The following ADAM12 variants were observed in gnomAD, a reference collection of about 807,000 sequenced individuals.
ADAM12 encodes ADAM metallopeptidase domain 12.
In ADAM12, 70 loss-of-function variants were observed where a neutral mutation model predicts 106.4. The observed-to-expected ratio is 0.66, with a 90% confidence interval of 0.54 to 0.80. The LOEUF is 0.80. ADAM12 is among the 30% of genes least tolerant of loss of function. The probability of loss-of-function intolerance (pLI) is 0.00; values close to 1 mark genes in which losing one functional copy is unlikely to be tolerated. For missense variants in ADAM12, 1,010 were observed against 1,171.9 expected, an observed-to-expected ratio of 0.86 and a Z score of 2.02; for synonymous variants, 420 against 433.5, an observed-to-expected ratio of 0.97 and a Z score of 0.39.
intron 3 of ADAM12, among the ~76,000 whole-genome samples, chr10:126,230,131 G>T (rs1958281203): frequency 6.6e-6 from 1 of 152,130 alleles, no homozygotes; most frequent in Non-Finnish European, 1.5e-5. Flanking sequence ...CCCAGGGAAG[G>T]TTCCTTTTCT....
intron 4 of ADAM12, among the ~76,000 whole-genome samples, chr10:126,137,547 C>T (rs1956428352): frequency 6.6e-6 from 1 of 152,194 alleles, no homozygotes; most frequent in African/African-American, 2.4e-5. Context: ...ACTTTCCATT[C>T]CCTGCTCCTC....
chr10:126,324,911 G>T (rs1358560487), intron 2 of ADAM12, among the ~76,000 whole-genome samples: 3 of 151,870 alleles, frequency 2.0e-5, no homozygotes, highest in African/African-American at 7.3e-5. Flanking sequence ...GTTATTGTTC[G>T]TAACACCTGA....
intron 3 of ADAM12, among the ~76,000 whole-genome samples, chr10:126,236,267 G>A (rs1426291343): frequency 1.3e-5 from 2 of 152,194 alleles, no homozygotes; most frequent in Non-Finnish European, 2.9e-5. Flanking sequence ...CTGGTGCCCT[G>A]GGGGAAGGCT....
At chr10:126,026,533 C>G (rs1427046302) in intron 21 of ADAM12, among the ~76,000 whole-genome samples, 1 of 152,154 alleles carries the variant, frequency 6.6e-6, no homozygotes, top group African/African-American at 2.4e-5. Context: ...AAGTAAAACA[C>G]TCCTCAGCTA....
chr10:126,143,574 TA>T (rs1956565276), intron 4 of ADAM12, among the ~76,000 whole-genome samples: 1 of 76,168 alleles, frequency 1.3e-5, no homozygotes, highest in Non-Finnish European at 2.3e-5. Flanking sequence ...GGCACATGTG[TA>T]TATTTGTGTG....
intron 11 of ADAM12, among the ~76,000 whole-genome samples, chr10:126,089,670 G>A (rs1460371181): frequency 6.6e-6 from 1 of 152,140 alleles, no homozygotes; most frequent in Non-Finnish European, 1.5e-5. Flanking sequence ...ACTGGGCTTT[G>A]CTGGCTCTGG....
chr10:126,253,718 C>G lies in ADAM12; in HGVS notation c.260+25197G>C, dbSNP rs537033563. Reference sequence around the variant, plus strand: ...GGGTGGGGGGAGGGCTTCTGCTCTCCTCCTCATACTGTCCCACTCTTCCTC... The same window carrying G: ...GGGTGGGGGGAGGGCTTCTGCTCTCGTCCTCATACTGTCCCACTCTTCCTC... On this transcript the variant is annotated intron_variant, in intron 3 of 22. Coordinates refer to ENST00000448723, the MANE Select transcript of ADAM12 (RefSeq NM_001288973.2). Among the ~76,000 whole-genome samples, 3 of 152,324 alleles carry G rather than the reference C, an allele frequency of 2.0e-5. No homozygotes were observed. In the South Asian group the frequency reaches 6.2e-4, roughly 32 times the overall value.
At chr10:126,191,579 T>C (rs7088782) in intron 3 of ADAM12, among the ~76,000 whole-genome samples, 10,536 of 151,458 alleles carry the variant, frequency 0.07, 700 homozygotes, top group African/African-American at 0.17. Context: ...CCTAATGTTC[T>C]GGTTTGAGTG....
At chr10:126,245,506 C>A (rs1000923102) in intron 3 of ADAM12, among the ~76,000 whole-genome samples, 5 of 152,236 alleles carry the variant, frequency 3.3e-5, no homozygotes, top group Admixed American at 1.3e-4. Flanking sequence ...AAGGACTGGG[C>A]AGTGGGCAGG....
chr10:126,315,953 A>G (rs557640192), intron 2 of ADAM12, among the ~76,000 whole-genome samples: 2 of 152,314 alleles, frequency 1.3e-5, no homozygotes, highest in South Asian at 4.1e-4. Context: ...TGCCTGTGTC[A>G]AGGAACACTA....
chr10:126,102,336 C>T (rs577685951), intron 8 of ADAM12, among the ~76,000 whole-genome samples: 44 of 152,180 alleles, frequency 2.9e-4, no homozygotes, highest in African/African-American at 8.7e-4. Flanking sequence ...CAGGTAGCCA[C>T]GGAGAAAAGG....
intron 4 of ADAM12, among the ~76,000 whole-genome samples, chr10:126,137,724 C>G (rs932952092): frequency 6.6e-6 from 1 of 152,184 alleles, no homozygotes; most frequent in Non-Finnish European, 1.5e-5. Context: ...AATGTCATTC[C>G]TTTTCTACAG....
intron 21 of ADAM12, among the ~76,000 whole-genome samples, chr10:126,033,568 G>GAGAA (rs1440146920): frequency 6.6e-6 from 1 of 152,160 alleles, no homozygotes; most frequent in Non-Finnish European, 1.5e-5. Context: ...CAAAAGACTA[G>GAGAA]AGAAAGAGCA....
intron 21 of ADAM12, among the ~76,000 whole-genome samples, chr10:126,020,826 A>G (rs1343881775): frequency 6.6e-6 from 1 of 151,904 alleles, no homozygotes; most frequent in Admixed American, 6.6e-5. Context: ...CTCCGTCTCT[A>G]CTAAAAATAC....
rs188013759 is a variant in ADAM12, at chr10:126,091,355, A to G, written c.1145+2630T>C. On this transcript the variant is annotated intron_variant, in intron 11 of 22. Coordinates refer to ENST00000448723, the MANE Select transcript of ADAM12 (RefSeq NM_001288973.2). The stretch of plus-strand genomic sequence containing the variant: ...AAAACTCCACCACGGGTGATGGATG[A>G]CTGAGGGTTGACTGAGCCGCTCGAC... Among the ~76,000 whole-genome samples the G allele has an allele frequency of 5.5e-3, 836 of 152,340 alleles. 8 individuals are homozygous for G. Among genetic ancestry groups the G allele is most frequent in the African/African-American group, 0.018 (765 of 41,580 alleles).
chr10:126,114,390 G>A (rs1955941593), intron 6 of ADAM12, among the ~76,000 whole-genome samples: 1 of 152,154 alleles, frequency 6.6e-6, no homozygotes, highest in South Asian at 2.1e-4. Flanking sequence ...TCCACACCTG[G>A]AAAACTGGAG....
At chr10:126,334,949 C>T (rs1854646693) in intron 1 of ADAM12, among the ~76,000 whole-genome samples, 1 of 152,232 alleles carries the variant, frequency 6.6e-6, no homozygotes, top group African/African-American at 2.4e-5. Context: ...ATCTGAGGCT[C>T]TACCGTCTAC....
chr10:126,339,940 T>G (rs1854864567), intron 1 of ADAM12, among the ~76,000 whole-genome samples: 1 of 144,146 alleles, frequency 6.9e-6, no homozygotes, highest in Non-Finnish European at 1.5e-5. Flanking sequence ...CTGCAACCTC[T>G]GACTTCCAGG....
chr10:126,091,359 A>C lies in ADAM12; in HGVS notation c.1145+2626T>G, dbSNP rs149837367. 2.1e-3 allele frequency among the ~76,000 whole-genome samples: 320 copies of C among 152,310 alleles called. 2 individuals are homozygous for C. Among genetic ancestry groups the C allele is most frequent in the African/African-American group, 7.4e-3 (307 of 41,574 alleles). On this transcript the variant is annotated intron_variant, in intron 11 of 22. Coordinates refer to ENST00000448723, the MANE Select transcript of ADAM12 (RefSeq NM_001288973.2). ...CTCCACCACGGGTGATGGATGACTGAGGGTTGACTGAGCCGCTCGACCTCC... is the reference window on the plus strand; with the variant it reads ...CTCCACCACGGGTGATGGATGACTGCGGGTTGACTGAGCCGCTCGACCTCC...
Sources: allele counts gnomAD v4.1 joint callset (sites outside exome capture counted in the v4.1 genomes callset), GRCh38; gene constraint gnomAD v4.1.1; transcripts MANE v1.5; gene names NCBI Gene and HGNC (gene_info 2026-07-23, HGNC 2026-07-21).